The following ERBB4 variants were observed in gnomAD, a reference collection of about 807,000 sequenced individuals.
ERBB4 encodes receptor tyrosine-protein kinase erbB-4.
ERBB4 carries 42 observed loss-of-function variants against 158.0 expected under a neutral mutation model. The observed-to-expected ratio is 0.27, with a 90% CI of 0.21 to 0.34. The LOEUF (loss-of-function observed/expected upper bound fraction) is 0.34. Ranked by LOEUF, ERBB4 falls within the 10% of genes least tolerant of loss-of-function variation. The probability of loss-of-function intolerance (pLI) is 1.00; values close to 1 mark genes in which losing one functional copy is unlikely to be tolerated. For synonymous variants in ERBB4, 583 were observed against 558.7 expected (o/e 1.04, Z -0.61); for missense variants, 1,333 against 1,624.1 (o/e 0.82, Z 3.08).
At chr2:212,013,743 C>T (rs1331115394) in intron 2 of ERBB4, among the ~76,000 whole-genome samples, 1 of 152,100 alleles carries the variant, frequency 6.6e-6, no homozygotes, top group Non-Finnish European at 1.5e-5. Context: ...CCTAGAGCAT[C>T]TTTTGTTTTT....
chr2:211,883,312 G>A (rs11891132), intron 3 of ERBB4, among the ~76,000 whole-genome samples: 19,256 of 152,052 alleles, frequency 0.13, 1,592 homozygotes, highest in African/African-American at 0.23. Flanking sequence ...TGGGTGGAGC[G>A]GGGAGGGATA....
At chr2:211,947,161 A>T (rs2080723016) in intron 3 of ERBB4, among the ~76,000 whole-genome samples, 1 of 152,194 alleles carries the variant, frequency 6.6e-6, no homozygotes, top group Non-Finnish European at 1.5e-5. Context: ...CATGTTTCAT[A>T]TCTCAGTTTT....
intron 20 of ERBB4, among the ~76,000 whole-genome samples, chr2:211,493,453 T>C (rs2065394872): frequency 6.6e-6 from 1 of 151,996 alleles, no homozygotes; most frequent in Non-Finnish European, 1.5e-5. Context: ...GAAAAAAGAC[T>C]CATTACTAAA....
chr2:211,813,524 T>C (rs2076807141), intron 3 of ERBB4, among the ~76,000 whole-genome samples: 1 of 152,188 alleles, frequency 6.6e-6, no homozygotes, highest in Non-Finnish European at 1.5e-5. Flanking sequence ...TTCAAAGAAA[T>C]TCCAGGTGCT....
chr2:212,498,718 A>T (rs1050643773), intron 1 of ERBB4, among the ~76,000 whole-genome samples: 1 of 152,076 alleles, frequency 6.6e-6, no homozygotes, highest in African/African-American at 2.4e-5. Context: ...TGAGAATTCT[A>T]CAAGAAATGA....
chr2:212,164,766 T>A (rs2081298997), intron 1 of ERBB4, among the ~76,000 whole-genome samples: 1 of 152,062 alleles, frequency 6.6e-6, no homozygotes, highest in Non-Finnish European at 1.5e-5. Flanking sequence ...CAACCTCTTG[T>A]CATTTCTTTA....
At chr2:212,319,171 A>G (rs1469771388) in intron 1 of ERBB4, among the ~76,000 whole-genome samples, 2 of 151,646 alleles carry the variant, frequency 1.3e-5, no homozygotes, top group Non-Finnish European at 3.0e-5. Flanking sequence ...GTCAACATAT[A>G]ATAACTTCTA....
chr2:211,770,791 A>G (rs1307891557), intron 4 of ERBB4, among the ~76,000 whole-genome samples: 1 of 152,134 alleles, frequency 6.6e-6, no homozygotes, highest in Non-Finnish European at 1.5e-5. Flanking sequence ...CTCACATAAC[A>G]TGCAAATTAG....
rs535154520 is a variant in ERBB4, at chr2:212,406,639, G to A, written c.82+131810C>T. Reference sequence around the variant, plus strand: ...GGACGGGTACATTAATGAAACATTCGCCTTTGTTGCTCACTGTTAAAAACC... The same window carrying A: ...GGACGGGTACATTAATGAAACATTCACCTTTGTTGCTCACTGTTAAAAACC... On this transcript the variant is annotated intron_variant, in intron 1 of 27. Transcript: ENST00000342788. 5.3e-5 allele frequency among the ~76,000 whole-genome samples: 8 copies of A among 152,154 alleles called. No individual in the cohort carries two copies. In the East Asian group the frequency reaches 7.7e-4, roughly 15 times the overall value.
intron 1 of ERBB4, among the ~76,000 whole-genome samples, chr2:212,390,394 T>A (rs2090820176): frequency 6.6e-6 from 1 of 151,790 alleles, no homozygotes; most frequent in Non-Finnish European, 1.5e-5. Flanking sequence ...TTTTAAATAA[T>A]GAAATCATTT....
At chr2:212,389,829 C>A (rs1027130238) in intron 1 of ERBB4, among the ~76,000 whole-genome samples, 4 of 151,538 alleles carry the variant, frequency 2.6e-5, no homozygotes. Context: ...CAAAAACATA[C>A]AACAAATAAT....
At chr2:211,670,876 C>T (rs1173382982) in intron 14 of ERBB4, among the ~76,000 whole-genome samples, 3 of 152,066 alleles carry the variant, frequency 2.0e-5, no homozygotes, top group Admixed American at 6.5e-5. Context: ...GGTCACTGAA[C>T]TTTTTTCTCA....
intron 12 of ERBB4, among the ~76,000 whole-genome samples, chr2:211,683,059 T>C (rs2105972139): frequency 6.6e-6 from 1 of 151,740 alleles, no homozygotes. Context: ...CTACAACTTT[T>C]GATTCACTAT....
intron 20 of ERBB4, among the ~76,000 whole-genome samples, chr2:211,443,383 A>G (rs1180067607): frequency 6.6e-6 from 1 of 151,998 alleles, no homozygotes; most frequent in Admixed American, 6.6e-5. Context: ...CTTGCTGAAT[A>G]TTTTTAATTC....
intron 1 of ERBB4, among the ~76,000 whole-genome samples, chr2:212,240,637 CAAAAAAAAAAA>C (rs71054188): frequency 1.3e-3 from 47 of 35,794 alleles, no homozygotes; most frequent in African/African-American, 1.5e-3. Context: ...CACTCTGGCT[CAAAAAAAAAAA>C]AAAAAAAAAA....
At chr2:211,396,902 C>T (rs1239602464) in intron 25 of ERBB4, among the ~76,000 whole-genome samples, 11 of 152,074 alleles carry the variant, frequency 7.2e-5, no homozygotes, top group African/African-American at 1.9e-4. Context: ...CAGCTGTTGC[C>T]GTAAGTAAAA....
At chr2:212,353,359 ATGT>A (rs2089334197) in intron 1 of ERBB4, among the ~76,000 whole-genome samples, 1 of 150,320 alleles carries the variant, frequency 6.7e-6, no homozygotes, top group Non-Finnish European at 1.5e-5. Flanking sequence ...ATATGTACAA[ATGT>A]ACGTATTATA....
At chr2:212,269,814 G>A (rs1008136047) in intron 1 of ERBB4, among the ~76,000 whole-genome samples, 2 of 151,742 alleles carry the variant, frequency 1.3e-5, no homozygotes, top group Non-Finnish European at 2.9e-5. Flanking sequence ...TTCACTGATT[G>A]ATACTCTACT....
chr2:211,809,008 C>A (rs949666038), intron 3 of ERBB4, among the ~76,000 whole-genome samples: 26 of 152,192 alleles, frequency 1.7e-4, no homozygotes, highest in Non-Finnish European at 3.2e-4. Flanking sequence ...AGTTGCCTAA[C>A]AGCTTAAGGA....
Sources: gnomAD v4.1 joint callset for allele counts (sites outside exome capture counted in the v4.1 genomes callset) on GRCh38, gnomAD v4.1.1 for gene constraint, MANE v1.5 for transcripts, NCBI Gene and HGNC (gene_info 2026-07-23, HGNC 2026-07-21) for gene names.